The following SCAI variants were observed in gnomAD, a reference collection of about 807,000 sequenced individuals.
SCAI encodes protein SCAI.
A neutral mutation model predicts 92.2 loss-of-function variants in SCAI; 24 were observed. The ratio of observed to expected loss-of-function variants is 0.26; its 90% CI spans 0.19 to 0.37. The LOEUF is 0.37. Among genes scored for constraint, SCAI ranks in the 10% least tolerant of loss-of-function variants. The pLI is 1.00. For synonymous variants in SCAI, 261 were observed against 258.6 expected (o/e 1.01, Z -0.09); for missense variants, 450 against 736.2 (o/e 0.61, Z 4.50).
In SCAI at chr9:124,948,802, G is replaced by A. The variant is rs1831191804; in HGVS notation, c.*4005C>T. The A allele has an allele frequency of 6.6e-6, 1 of 152,186 alleles. No homozygotes were observed. Among genetic ancestry groups the A allele is most frequent in the African/African-American group, 2.4e-5 (1 of 41,452 alleles). The allele number at this position is 152,186 out of a possible 1,614,324, so 9.4% of individuals were successfully genotyped here. On this transcript the variant is annotated 3_prime_UTR_variant, in exon 18 of 18. Coordinates refer to ENST00000336505, the MANE Select transcript of SCAI (RefSeq NM_001144877.3). ...ATCAGAATCTCCAGGGACAGTTTGT[G>A]CAATTTGAAAACAAAGGAGTGCTTT...
intron 2 of SCAI, among the ~76,000 whole-genome samples, chr9:125,135,979 A>AC (rs1464416520): frequency 2.0e-5 from 3 of 151,764 alleles, no homozygotes; most frequent in Admixed American, 6.6e-5. Flanking sequence ...AACAAAAAAA[A>AC]AAAAAACAAA....
intron 17 of SCAI, chr9:124,968,549 G>A (rs1222792808): frequency 1.1e-6 from 1 of 900,816 alleles, no homozygotes; most frequent in Admixed American, 1.7e-5. Context: ...CACTCCCAAA[G>A]GAAACATCAT....
intron 2 of SCAI, among the ~76,000 whole-genome samples, chr9:125,105,717 A>C (rs1834763443): frequency 6.6e-6 from 1 of 152,202 alleles, no homozygotes; most frequent in East Asian, 1.9e-4. Flanking sequence ...AATTGCTTAC[A>C]TTACTATATT....
intron 3 of SCAI, 93 bp downstream of exon 3, chr9:125,055,783 T>C: frequency 1.1e-6 from 1 of 917,240 alleles, no homozygotes; most frequent in Non-Finnish European, 1.6e-6. Flanking sequence ...TATGACATTC[T>C]ACCCATAATT....
chr9:125,017,844 T>C (rs1489512156), intron 9 of SCAI, among the ~76,000 whole-genome samples: 1 of 151,724 alleles, frequency 6.6e-6, no homozygotes, highest in African/African-American at 2.4e-5. Flanking sequence ...CCATCTCTAC[T>C]AAATATACAA....
At chr9:125,015,951 C>A (rs372196290) in intron 9 of SCAI, among the ~76,000 whole-genome samples, 2 of 144,568 alleles carry the variant, frequency 1.4e-5, no homozygotes, top group Admixed American at 7.4e-5. Context: ...AACACCGCAT[C>A]TTCTCACTCA....
intron 6 of SCAI, among the ~76,000 whole-genome samples, chr9:125,022,696 G>T (rs1832894875): frequency 2.0e-5 from 3 of 152,150 alleles, no homozygotes; most frequent in African/African-American, 7.2e-5. Context: ...GGGATAACAG[G>T]TGTGAGTCAC....
At chr9:124,997,234 A>C (rs557459340) in intron 13 of SCAI, among the ~76,000 whole-genome samples, 39 of 152,346 alleles carry the variant, frequency 2.6e-4, no homozygotes, top group African/African-American at 7.9e-4. Context: ...CACATGATGG[A>C]TCATAGTCAT....
At chr9:124,965,827 C>T (rs938149510) in intron 17 of SCAI, among the ~76,000 whole-genome samples, 1 of 152,198 alleles carries the variant, frequency 6.6e-6, no homozygotes, top group African/African-American at 2.4e-5. Context: ...TGAAGCATCA[C>T]TTCATATGGA....
In SCAI at chr9:124,947,106, G is replaced by A. The variant is rs1390781697; in HGVS notation, c.*5701C>T. 1 of 152,110 alleles carries A rather than the reference G, an allele frequency of 6.6e-6. No homozygotes were observed. Among genetic ancestry groups the A allele is most frequent in the Non-Finnish European group, 1.5e-5 (1 of 68,026 alleles). The allele number at this position is 152,110 out of a possible 1,614,324, so 9.4% of individuals were successfully genotyped here. On this transcript the variant is annotated 3_prime_UTR_variant, in exon 18 of 18. Coordinates refer to ENST00000336505, the MANE Select transcript of SCAI (RefSeq NM_001144877.3). ...TTGTTCCAAAATCAAAATTCAGTAT[G>A]AGGCATAAAAATGACAACTGGGAAT...
chr9:125,089,727 C>T lies in SCAI; in HGVS notation c.99-33720G>A, dbSNP rs544241135. On this transcript the variant is annotated intron_variant, in intron 2 of 17. Transcript: ENST00000336505. The stretch of plus-strand genomic sequence containing the variant: ...TGTTTGTTTTGTTTTAAGAGAAAGA[C>T]AGGGTCTCACTCTGTCACCCAGGCT... Among the ~76,000 whole-genome samples, 21 of 152,002 alleles carry T rather than the reference C, an allele frequency of 1.4e-4. 2 individuals are homozygous for T. The highest frequency in any genetic ancestry group is 3.4e-3 in the Middle Eastern group (1 of 294).
At chr9:125,126,008 T>C (rs931684354) in intron 2 of SCAI, among the ~76,000 whole-genome samples, 8 of 151,432 alleles carry the variant, frequency 5.3e-5, no homozygotes, top group Non-Finnish European at 1.0e-4. Context: ...TAGCTGGACA[T>C]TGAGCCCCTT....
intron 17 of SCAI, among the ~76,000 whole-genome samples, chr9:124,965,247 G>A (rs1032274207): frequency 6.6e-5 from 10 of 151,426 alleles, no homozygotes; most frequent in African/African-American, 1.5e-4. Context: ...TGTGTATGTC[G>A]GGGGGGAATG....
rs554539831 is a variant in SCAI, at chr9:124,999,312, A to C, written c.1244+579T>G. ...TGAGGCAGGAGAATCGCTTGAACCC[A>C]GGAGGCAGAGGTTGCAGTGAGCCGA... is the stretch of plus-strand genomic sequence containing the variant. On this transcript the variant is annotated intron_variant, in intron 13 of 17. Coordinates refer to ENST00000336505, the MANE Select transcript of SCAI (RefSeq NM_001144877.3). Among the ~76,000 whole-genome samples the C allele has an allele frequency of 1.7e-3, 260 of 151,768 alleles. 1 individual carries two copies. Among genetic ancestry groups the C allele is most frequent in the African/African-American group, 6.1e-3 (253 of 41,420 alleles).
chr9:125,122,767 G>C (rs1198774606), intron 2 of SCAI, among the ~76,000 whole-genome samples: 1 of 151,962 alleles, frequency 6.6e-6, no homozygotes, highest in Non-Finnish European at 1.5e-5. Context: ...TTTTCTGGGC[G>C]TAGTGGTATG....
rs1564354052 is a variant in SCAI at position 124,951,213 on chromosome 9, G to A, written c.*1594C>T. 6.7e-6 allele frequency: 1 copy of A among 150,138 alleles called. No homozygotes were observed. The highest frequency in any genetic ancestry group is 1.5e-5 in the Non-Finnish European group (1 of 67,496). The allele number at this position is 150,138 out of a possible 1,614,324, so 9.3% of individuals were successfully genotyped here. On this transcript the variant is annotated 3_prime_UTR_variant, in exon 18 of 18. Coordinates refer to ENST00000336505, the MANE Select transcript of SCAI (RefSeq NM_001144877.3). ...TCTCTATGCCAGAAATGAAAACCAA[G>A]TTAAAAATAATAGCCAGGTGCGGTG...
intron 14 of SCAI, among the ~76,000 whole-genome samples, chr9:124,994,431 C>T (rs1375500034): frequency 6.6e-6 from 1 of 152,178 alleles, no homozygotes; most frequent in African/African-American, 2.4e-5. Context: ...TCACTTATTT[C>T]AGCATTCAGG....
At chr9:124,971,228 G>T in intron 17 of SCAI, 142 bp downstream of exon 17, 1 of 471,958 alleles carries the variant, frequency 2.1e-6, no homozygotes, top group Non-Finnish European at 3.7e-6. Flanking sequence ...CCAGTGTGAC[G>T]GTACATTTGT....
intron 2 of SCAI, among the ~76,000 whole-genome samples, chr9:125,100,216 G>C (rs1194919665): frequency 6.6e-6 from 1 of 152,184 alleles, no homozygotes; most frequent in Non-Finnish European, 1.5e-5. Context: ...GCTTAGAATT[G>C]CAACTTGCAA....
Sources: allele counts gnomAD v4.1 joint callset (sites outside exome capture counted in the v4.1 genomes callset), GRCh38; gene constraint gnomAD v4.1.1; transcripts MANE v1.5; gene names NCBI Gene and HGNC (gene_info 2026-07-23, HGNC 2026-07-21).